COG6: variants seen among roughly 807,000 people sequenced by gnomAD.
COG6 encodes component of oligomeric golgi complex 6.
COG6 carries 74 observed loss-of-function variants against 88.8 expected under a neutral mutation model. The ratio of observed to expected loss-of-function variants is 0.83; its 90% CI spans 0.69 to 1.01. The LOEUF (loss-of-function observed/expected upper bound fraction) is 1.01, where lower values mean the gene tolerates loss of function less well. Ranked by LOEUF, COG6 falls within the 50% of genes least tolerant of loss-of-function variation. COG6 has a pLI of 0.00. For synonymous variants in COG6, 286 were observed against 278.7 expected (o/e 1.03, Z -0.26); for missense variants, 800 against 797.9 (o/e 1.00, Z -0.03).
In COG6 at chr13:39,719,847, G is replaced by T. The variant is rs1255130972; in HGVS notation, c.1584+20G>T. The T allele has an allele frequency of 6.3e-7, 1 of 1,576,070 alleles. No individual in the cohort carries two copies. Among genetic ancestry groups the T allele is most frequent in the South Asian group, 1.1e-5 (1 of 90,268 alleles). ...TTTCAGGTAAATTTTTCTATAAAAT[G>T]ACTATTGACTATGATTGAATCTTTT... On this transcript the variant is annotated intron_variant, in intron 15 of 18. Transcript: ENST00000455146.
chr13:39,706,257 A>ATATATATATATATATATATACTCCTT (rs1349415637), intron 13 of COG6, among the ~76,000 whole-genome samples: 12 of 119,808 alleles, frequency 1.0e-4, no homozygotes, highest in African/African-American at 3.4e-4. Flanking sequence ...ATACTCCTTT[A>ATATATATATATATATATATACTCCTT]TATATATATA....
rs919599014 is a variant in COG6 at position 39,679,209 on chromosome 13, T to C, written c.541-329T>C. 5 of 314,054 alleles carry C rather than the reference T, an allele frequency of 1.6e-5. No homozygotes were observed. The South Asian group carries it at 1.8e-4, about 11-fold the overall frequency. 19.5% of individuals were successfully genotyped at this position (314,054 alleles called of 1,614,324 possible). On this transcript the variant is annotated intron_variant, in intron 5 of 18. Coordinates refer to ENST00000455146, the MANE Select transcript of COG6 (RefSeq NM_020751.3). ...GTGTAATACACAATACTTTTTTTCA[T>C]GTAGTAATTTTTAGTTTTGCATTTC...
At chr13:39,772,888 C>T (rs1039201747) in intron 18 of COG6, among the ~76,000 whole-genome samples, 2 of 152,234 alleles carry the variant, frequency 1.3e-5, no homozygotes, top group Non-Finnish European at 2.9e-5. Flanking sequence ...TGGTGAAGAC[C>T]TGCCCTCCTG....
chr13:39,790,286 T>A (rs898910247), exon 19 of COG6: 1 of 152,090 alleles, frequency 6.6e-6, no homozygotes, highest in Non-Finnish European at 1.5e-5. Context: ...AATAACACCA[T>A]GAGATTGCTG....
chr13:39,657,785 G>A (rs1002236082), intron 1 of COG6, among the ~76,000 whole-genome samples: 2 of 152,118 alleles, frequency 1.3e-5, no homozygotes, highest in African/African-American at 4.8e-5. Context: ...TTCCATTCAT[G>A]TTTTCTCTGT....
At chr13:39,757,346 T>C (rs1393682199), downstream of COG6, among the ~76,000 whole-genome samples, 1 of 152,100 alleles carries the variant, frequency 6.6e-6, no homozygotes, top group African/African-American at 2.4e-5. Context: ...GAGAGAAATT[T>C]ATAGCCTACC....
chr13:39,743,470 A>G (rs1414589502), intron 18 of COG6, among the ~76,000 whole-genome samples: 3 of 152,210 alleles, frequency 2.0e-5, no homozygotes, highest in African/African-American at 7.2e-5. Flanking sequence ...AGAATACTAT[A>G]AACACCTCTA....
At chr13:39,787,914 G>A (rs1881825705) in intron 18 of COG6, among the ~76,000 whole-genome samples, 1 of 152,048 alleles carries the variant, frequency 6.6e-6, no homozygotes, top group African/African-American at 2.4e-5. Flanking sequence ...GTATCTGTGG[G>A]GATCCTGGAA....
chr13:39,704,898 T>G (rs1190192905), intron 13 of COG6, among the ~76,000 whole-genome samples: 1 of 152,176 alleles, frequency 6.6e-6, no homozygotes, highest in East Asian at 1.9e-4. Flanking sequence ...TGGGCCATAT[T>G]TAGAGTTATT....
chr13:39,745,623 C>T (rs527552263), intron 18 of COG6, among the ~76,000 whole-genome samples: 1 of 152,158 alleles, frequency 6.6e-6, no homozygotes. Context: ...AATAGGAATG[C>T]TTTTTCACTG....
intron 15 of COG6, among the ~76,000 whole-genome samples, chr13:39,720,311 G>C (rs1878785955): frequency 2.0e-5 from 3 of 152,042 alleles, no homozygotes. Context: ...TTGAGTTCTT[G>C]AGTCCTATAA....
At chr13:39,744,990 TA>T (rs1456716628) in intron 18 of COG6, among the ~76,000 whole-genome samples, 1 of 149,234 alleles carries the variant, frequency 6.7e-6, no homozygotes, top group Non-Finnish European at 1.5e-5. Context: ...TGACAAGGGG[TA>T]AGGATTCCCT....
chr13:39,691,457 C>A (rs549198997), intron 11 of COG6, among the ~76,000 whole-genome samples: 1 of 151,886 alleles, frequency 6.6e-6, no homozygotes, highest in East Asian at 1.9e-4. Flanking sequence ...AGTAAGCAGA[C>A]AAGCATCTTT....
intron 18 of COG6, among the ~76,000 whole-genome samples, chr13:39,734,038 A>G (rs1229939172): frequency 1.3e-5 from 2 of 151,896 alleles, no homozygotes; most frequent in Non-Finnish European, 2.9e-5. Context: ...AGGTTTGTCA[A>G]TTTTGTCTAT....
intron 18 of COG6, among the ~76,000 whole-genome samples, chr13:39,730,577 C>T (rs1879378733): frequency 6.6e-6 from 1 of 151,416 alleles, no homozygotes; most frequent in South Asian, 2.1e-4. Context: ...AGTTCAAGAC[C>T]AGCCTTGCCA....
rs553721754 is a variant in COG6, at chr13:39,742,434, A to G, written c.1827-8512A>G. 6.6e-5 allele frequency among the ~76,000 whole-genome samples: 10 copies of G among 152,252 alleles called. No individual in the cohort carries two copies. The South Asian group carries it at 1.5e-3, about 22-fold the overall frequency. On this transcript the variant is annotated intron_variant, in intron 18 of 18. Transcript: ENST00000455146. ...ATCTACCAAGCAAATGGAAAACAAA[A>G]AAAGGCAGGGGTTGCAATCCTAGTC... is the stretch of plus-strand genomic sequence containing the variant.
intron 18 of COG6, among the ~76,000 whole-genome samples, chr13:39,777,307 G>A (rs542111291): frequency 6.6e-6 from 1 of 152,270 alleles, no homozygotes; most frequent in East Asian, 1.9e-4. Context: ...AGCAAGGAAC[G>A]AGGGCAGAGG....
chr13:39,699,389 T>C, intron 12 of COG6, 112 bp from the exon 13 acceptor site: 1 of 606,030 alleles, frequency 1.7e-6, no homozygotes, highest in South Asian at 2.0e-5. Flanking sequence ...CAGGTTATAT[T>C]TTACATAAAA....
intron 18 of COG6, among the ~76,000 whole-genome samples, chr13:39,750,220 C>T (rs1201809036): frequency 1.3e-5 from 2 of 152,166 alleles, no homozygotes; most frequent in Non-Finnish European, 2.9e-5. Context: ...ACCATCTTCT[C>T]ATGGTGATAC....
Sources: allele counts gnomAD v4.1 joint callset (sites outside exome capture counted in the v4.1 genomes callset), GRCh38; gene constraint gnomAD v4.1.1; transcripts MANE v1.5; gene names NCBI Gene and HGNC (gene_info 2026-07-23, HGNC 2026-07-21).